DCP2: variants seen among roughly 807,000 people sequenced by gnomAD.
DCP2 encodes m7GpppN-mRNA hydrolase.
A neutral mutation model predicts 56.1 loss-of-function variants in DCP2; 30 were observed. The observed-to-expected ratio is 0.53, with a 90% CI of 0.40 to 0.73. The LOEUF (loss-of-function observed/expected upper bound fraction) is 0.73, where lower values mean the gene tolerates loss of function less well. Among genes scored for constraint, DCP2 ranks in the 30% least tolerant of loss-of-function variants. DCP2 has a pLI of 0.00. For synonymous variants in DCP2, 197 were observed against 163.3 expected (o/e 1.21, Z -1.57); for missense variants, 533 against 502.7 (o/e 1.06, Z -0.58).
chr5:113,007,875 T>C, intron 8 of DCP2, 63 bp from the exon 9 acceptor site: 1 of 1,394,168 alleles, frequency 7.2e-7, no homozygotes, highest in Non-Finnish European at 9.8e-7. Flanking sequence ...ATTCATGGGG[T>C]ATTTTTTTTG....
At position 113,013,442 on chromosome 5, in the gene DCP2, C is replaced by T. The variant is rs780770495; in HGVS notation, c.1221C>T (p.Phe407=). 18 of 1,613,946 alleles carry T rather than the reference C, an allele frequency of 1.1e-5. No homozygotes were observed. The Admixed American group carries it at 2.8e-4, about 25-fold the overall frequency. ...FPFSSRAFLS[F]KFDHNAIMKI... ...TTTCATCCAGAGCCTTTTTGAGTTTCAAGTTTGACCATAATGCTATAATGA... is the reference window on the plus strand; with the variant it reads ...TTTCATCCAGAGCCTTTTTGAGTTTTAAGTTTGACCATAATGCTATAATGA... Residue 407 remains phenylalanine, a synonymous_variant, in exon 11 of 11, where the codon TTC becomes TTT. Coordinates refer to ENST00000389063, the MANE Select transcript of DCP2 (RefSeq NM_152624.6).
At chr5:112,988,404 A>C (rs1201372302) in intron 2 of DCP2, among the ~76,000 whole-genome samples, 2 of 146,166 alleles carry the variant, frequency 1.4e-5, no homozygotes, top group Non-Finnish European at 3.0e-5. Context: ...AGGCAGGAGA[A>C]TGGTGTGAAC....
At position 112,984,691 on chromosome 5, in the gene DCP2, A is replaced by ATATAT. The variant is rs1561685051; in HGVS notation, c.54-1144_54-1143insTATAT. 6.0e-3 allele frequency: 421 copies of ATATAT among 70,242 alleles called. 9 individuals are homozygous for ATATAT. The highest frequency in any genetic ancestry group is 0.029 in the African/African-American group (391 of 13,652). The allele number at this position is 70,242 out of a possible 1,614,324, so 4.4% of individuals were successfully genotyped here. A position where few individuals can be genotyped will look rare whatever the true frequency, so the allele number is the denominator to read the frequency against. On this transcript the variant is annotated intron_variant, in intron 1 of 10. Transcript: ENST00000389063. ...TGTTGTTTTTATTTCTTAATTAAAA[A>ATATAT]AAAAAAAAAAAAATATATATATATA...
chr5:112,995,882 G>T (rs1455872674), intron 4 of DCP2, among the ~76,000 whole-genome samples: 1 of 152,186 alleles, frequency 6.6e-6, no homozygotes, highest in Non-Finnish European at 1.5e-5. Context: ...GGTTCTAGAC[G>T]CTGGGAAGTC....
chr5:112,977,535 C>T (rs1246474486), intron 1 of DCP2, among the ~76,000 whole-genome samples: 1 of 151,812 alleles, frequency 6.6e-6, no homozygotes, highest in Non-Finnish European at 1.5e-5. Context: ...TAAGGAATTA[C>T]TTTTTTTTTC....
rs765547360 is a variant in DCP2 at position 113,007,913 on chromosome 5, A to G, written c.943-25A>G. Reference sequence around the variant, plus strand: ...CTATTACATTATGCTATAGATTCATATTATATTTCTTTTTGGGAAAACAGA... The same window carrying G: ...CTATTACATTATGCTATAGATTCATGTTATATTTCTTTTTGGGAAAACAGA... On this transcript the variant is annotated intron_variant, in intron 8 of 10. Transcript: ENST00000389063. 48 of 1,590,134 alleles carry G rather than the reference A, an allele frequency of 3.0e-5. No individual in the cohort carries two copies. The Admixed American group carries it at 7.7e-4, about 26-fold the overall frequency.
chr5:113,020,171 G>A lies in DCP2; in HGVS notation c.*6687G>A, dbSNP rs1192833679. The A allele has an allele frequency of 6.6e-6, 1 of 152,184 alleles. No individual in the cohort carries two copies. The highest frequency in any genetic ancestry group is 2.4e-5 in the African/African-American group (1 of 41,440). 9.4% of individuals were successfully genotyped at this position (152,184 alleles called of 1,614,324 possible). A position where few individuals can be genotyped will look rare whatever the true frequency, so the allele number is the denominator to read the frequency against. On this transcript the variant is annotated 3_prime_UTR_variant, in exon 11 of 11. Transcript: ENST00000389063. ...CTTTTGCTGGTAGACAAAAACTGAG[G>A]AAATGTTTCACTAAATATATTATGG... is the stretch of plus-strand genomic sequence containing the variant.
chr5:112,985,585 C>T (rs911036675), intron 1 of DCP2, among the ~76,000 whole-genome samples: 1 of 152,116 alleles, frequency 6.6e-6, no homozygotes. Flanking sequence ...TTAAGCTGAT[C>T]TCTGTACTTG....
Position 113,001,363 on chromosome 5 carries a change from G to C in DCP2, c.592G>C (p.Glu198Gln). The change falls in exon 6 of 11, where the codon GAG (glutamate) becomes CAG (glutamine). Residue 198 changes from glutamate to glutamine, a missense_variant. By Grantham distance (29) the Glu-to-Gln change is conservative (BLOSUM62 2). Coordinates refer to ENST00000389063, the MANE Select transcript of DCP2 (RefSeq NM_152624.6). ...PKTRREIRNI[E>Q]WFSIEKLPCH... ...ATTTTCTTCTGTGTTTCAGAACATTGAGTGGTTCTCTATTGAGAAATTGCC... is the reference window on the plus strand; with the variant it reads ...ATTTTCTTCTGTGTTTCAGAACATTCAGTGGTTCTCTATTGAGAAATTGCC... 1 of 1,611,122 alleles carries C rather than the reference G, an allele frequency of 6.2e-7. No homozygotes were observed. Among genetic ancestry groups the C allele is most frequent in the Non-Finnish European group, 8.5e-7 (1 of 1,179,162 alleles).
chr5:112,977,109 C>G (rs1256648362), intron 1 of DCP2, 123 bp downstream of exon 1: 1 of 700,694 alleles, frequency 1.4e-6, no homozygotes, highest in Non-Finnish European at 2.2e-6. Flanking sequence ...CCCGCCGCTG[C>G]TCGCTTTCCA....
intron 2 of DCP2, among the ~76,000 whole-genome samples, chr5:112,990,494 T>C (rs185117079): frequency 6.6e-6 from 1 of 152,342 alleles, no homozygotes; most frequent in African/African-American, 2.4e-5. Context: ...CAGGCCCTTA[T>C]AGAACCATAG....
At position 113,004,033 on chromosome 5, in the gene DCP2, C is replaced by G. The variant is rs1237227755; in HGVS notation, c.898C>G (p.Pro300Ala). Residue 300 changes from proline to alanine, a missense_variant, in exon 8 of 11, where the codon CCA (proline) becomes GCA (alanine). Around this residue, in one of 3 missense-constraint regions of DCP2, gnomAD observed 392 missense variants for 346.6 expected, o/e 1.13. Transcript: ENST00000389063. Reference sequence around the variant, plus strand: ...GCACAGGCAACCACTGCAGCAAAAGCCATATAATAATCATTCTGAAATGTC... The same window carrying G: ...GCACAGGCAACCACTGCAGCAAAAGGCATATAATAATCATTCTGAAATGTC... ...VKHRQPLQQK[P>A]YNNHSEMSDL... 2 of 1,613,874 alleles carry G rather than the reference C, an allele frequency of 1.2e-6. No homozygotes were observed. The highest frequency in any genetic ancestry group is 1.6e-4 in the Middle Eastern group (1 of 6,084).
rs376523982 is a variant in DCP2 at position 113,000,370 on chromosome 5, AT to A, written c.433-707del. ...GGTGTGAGCCACTGTGCCCAGTCCT[AT>A]TTTTTTGAAGTGCAATTACTTGTCT... On this transcript the variant is annotated intron_variant, in intron 4 of 10. Coordinates refer to ENST00000389063, the MANE Select transcript of DCP2 (RefSeq NM_152624.6). Among the ~76,000 whole-genome samples, 237 of 149,614 alleles carry A rather than the reference AT, an allele frequency of 1.6e-3. 3 individuals carry two copies. The highest frequency in any genetic ancestry group is 5.6e-3 in the African/African-American group (227 of 40,380).
rs1464334582 is a variant in DCP2 at position 113,021,077 on chromosome 5, G to C, written c.*7593G>C. 1 of 152,120 alleles carries C rather than the reference G, an allele frequency of 6.6e-6. No homozygotes were observed. Among genetic ancestry groups the C allele is most frequent in the Non-Finnish European group, 1.5e-5 (1 of 68,030 alleles). The allele number at this position is 152,120 out of a possible 1,614,324, so 9.4% of individuals were successfully genotyped here. On this transcript the variant is annotated 3_prime_UTR_variant, in exon 11 of 11. Coordinates refer to ENST00000389063, the MANE Select transcript of DCP2 (RefSeq NM_152624.6). The stretch of plus-strand genomic sequence containing the variant: ...CAAGTATGAGATGAACATGATAAAA[G>C]TATGTTTATATAACAGGAAGAAGCT...
At chr5:113,003,250 A>C (rs147470166) in intron 7 of DCP2, among the ~76,000 whole-genome samples, 4 of 152,216 alleles carry the variant, frequency 2.6e-5, no homozygotes, top group Non-Finnish European at 5.9e-5. Context: ...CTCAGCCTGC[A>C]TTAGTACAAC....
intron 4 of DCP2, among the ~76,000 whole-genome samples, chr5:112,997,199 C>A (rs1020159157): frequency 2.0e-5 from 3 of 152,152 alleles, no homozygotes. Flanking sequence ...TTGTTTAGGT[C>A]TGTTGGGGCC....
At chr5:112,987,535 C>G (rs895102513) in intron 2 of DCP2, among the ~76,000 whole-genome samples, 13 of 151,576 alleles carry the variant, frequency 8.6e-5, no homozygotes, top group African/African-American at 3.2e-4. Context: ...TCACTGCAGC[C>G]TCCACCTGCA....
chr5:112,978,872 T>C (rs1747858686), intron 1 of DCP2, among the ~76,000 whole-genome samples: 1 of 152,178 alleles, frequency 6.6e-6, no homozygotes, highest in South Asian at 2.1e-4. Flanking sequence ...TAATTAGCTG[T>C]GTGTTAATAG....
rs766265940 is a variant in DCP2 at position 113,008,154 on chromosome 5, T to C, written c.1047+112T>C. Reference sequence around the variant, plus strand: ...TGTTTTGTTCTTATTTTAATTGATATACTAGTAGGATTTTTGTGTAGCTGA... The same window carrying C: ...TGTTTTGTTCTTATTTTAATTGATACACTAGTAGGATTTTTGTGTAGCTGA... On this transcript the variant is annotated intron_variant, in intron 9 of 10. Transcript: ENST00000389063. 1,105 of 878,104 alleles carry C rather than the reference T, an allele frequency of 1.3e-3. 19 individuals are homozygous for C. The highest frequency in any genetic ancestry group is 1.8e-3 in the Middle Eastern group (8 of 4,384). The allele number at this position is 878,104 out of a possible 1,614,324, so 54.4% of individuals were successfully genotyped here.
Sources: gnomAD v4.1 joint callset for allele counts (sites outside exome capture counted in the v4.1 genomes callset) on GRCh38, gnomAD v4.1.1 for gene constraint, gnomAD v4.1.1 regional missense constraint, MANE v1.5 for transcripts, NCBI Gene and HGNC (gene_info 2026-07-23, HGNC 2026-07-21) for gene names.